The following SLC8A3 variants were observed in gnomAD, a reference collection of about 807,000 sequenced individuals.
The protein encoded by SLC8A3 is sodium/calcium exchanger 3.
In SLC8A3, 37 loss-of-function variants were observed where a neutral mutation model predicts 65.4. The ratio of observed to expected loss-of-function variants is 0.57; its 90% CI spans 0.44 to 0.74. The LOEUF (loss-of-function observed/expected upper bound fraction) is 0.74. SLC8A3 is among the 30% of genes least tolerant of loss of function. SLC8A3 has a pLI of 0.00. For synonymous variants in SLC8A3, 461 were observed against 444.5 expected, an observed-to-expected ratio of 1.04 and a Z score of -0.47; for missense variants, 1,112 against 1,172.1, an observed-to-expected ratio of 0.95 and a Z score of 0.75.
chr14:70,057,898 G>C (rs1888346664), intron 3 of SLC8A3, among the ~76,000 whole-genome samples: 1 of 152,168 alleles, frequency 6.6e-6, no homozygotes, highest in East Asian at 1.9e-4. Flanking sequence ...GAGAGAGAGA[G>C]AGAGACAGAG....
chr14:70,176,302 C>T (rs1897906916), intron 1 of SLC8A3, among the ~76,000 whole-genome samples: 1 of 152,166 alleles, frequency 6.6e-6, no homozygotes, highest in African/African-American at 2.4e-5. Context: ...TTTAAGTCAT[C>T]CTCCTGTTGG....
At chr14:70,054,550 C>G (rs748909473) in intron 3 of SLC8A3, among the ~76,000 whole-genome samples, 11 of 151,984 alleles carry the variant, frequency 7.2e-5, no homozygotes, top group African/African-American at 1.2e-4. Flanking sequence ...AACAAAGAAG[C>G]CTTACATACC....
intron 2 of SLC8A3, among the ~76,000 whole-genome samples, chr14:70,138,279 C>T (rs569782151): frequency 1.3e-5 from 2 of 152,262 alleles, no homozygotes; most frequent in African/African-American, 4.8e-5. Context: ...ATGTAAGCTC[C>T]GCTGGGCAGG....
At chr14:70,131,308 A>G (rs187733645) in intron 2 of SLC8A3, among the ~76,000 whole-genome samples, 18 of 152,312 alleles carry the variant, frequency 1.2e-4, no homozygotes, top group African/African-American at 4.1e-4. Context: ...GAAAGTGAAG[A>G]AACTGAAATG....
intron 2 of SLC8A3, among the ~76,000 whole-genome samples, chr14:70,066,536 C>T (rs541223460): frequency 2.0e-5 from 3 of 152,134 alleles, no homozygotes; most frequent in African/African-American, 2.4e-5. Context: ...ATTTGGCCAG[C>T]GCGGTGCCTC....
intron 2 of SLC8A3, among the ~76,000 whole-genome samples, chr14:70,147,738 A>C (rs952166043): frequency 7.2e-5 from 11 of 151,926 alleles, no homozygotes; most frequent in Non-Finnish European, 1.6e-4. Context: ...TGGAATCCAC[A>C]CCCCCACCCC....
chr14:70,060,855 C>A lies in SLC8A3; in HGVS notation c.1869G>T (p.Trp623Cys). The A allele has an allele frequency of 6.7e-7, 1 of 1,503,330 alleles. No individual in the cohort carries two copies. The highest frequency in any genetic ancestry group is 9.0e-7 in the Non-Finnish European group (1 of 1,108,712). 93.1% of individuals were successfully genotyped at this position (1,503,330 alleles called of 1,614,324 possible). Residue 623 changes from tryptophan to cysteine, a missense_variant, in exon 3 of 7, where the codon TGG (tryptophan) becomes TGT (cysteine). Transcript: ENST00000356921. ...NFFIALGEPK[W>C]MERGISDVTD... The stretch of plus-strand genomic sequence containing the variant: ...TCACACCTGATATTCCACGTTCCAT[C>A]CATTTCGGTTCACCAAGGGCAATGA...
chr14:70,096,353 T>C (rs1892178640), intron 2 of SLC8A3, among the ~76,000 whole-genome samples: 1 of 152,194 alleles, frequency 6.6e-6, no homozygotes, highest in South Asian at 2.1e-4. Context: ...AGCACCCAGG[T>C]AAGTTCTTGG....
intron 6 of SLC8A3, chr14:70,048,438 C>T (rs1358181360): frequency 1.7e-6 from 1 of 592,428 alleles, no homozygotes; most frequent in Non-Finnish European, 3.0e-6. Flanking sequence ...TGTAGCTTAA[C>T]CTCTGTGGGC....
At chr14:70,155,628 A>C (rs1418760265) in intron 2 of SLC8A3, among the ~76,000 whole-genome samples, 3 of 152,240 alleles carry the variant, frequency 2.0e-5, no homozygotes, top group African/African-American at 4.8e-5. Flanking sequence ...CTATGTTTTC[A>C]TACAAATATT....
At chr14:70,127,056 G>A (rs749339513) in intron 2 of SLC8A3, among the ~76,000 whole-genome samples, 1 of 152,068 alleles carries the variant, frequency 6.6e-6, no homozygotes, top group Non-Finnish European at 1.5e-5. Context: ...ACAATGTGAA[G>A]TAATAAAAAA....
Position 70,044,787 on chromosome 14 carries a change from T to C in SLC8A3, c.*1160A>G, listed in dbSNP as rs1179341891. ...TAAAATCTCTAAGTTTTTACACCAC[T>C]TCAAGAAATATAGTCAGCCCTCTTT... is the stretch of plus-strand genomic sequence containing the variant. On this transcript the variant is annotated 3_prime_UTR_variant, in exon 7 of 7. Transcript: ENST00000356921. The C allele has an allele frequency of 1.3e-5, 2 of 152,208 alleles. No individual in the cohort carries two copies. Among genetic ancestry groups the C allele is most frequent in the African/African-American group, 4.8e-5 (2 of 41,460 alleles). The allele number at this position is 152,208 out of a possible 1,614,324, so 9.4% of individuals were successfully genotyped here. A position where few individuals can be genotyped will look rare whatever the true frequency, so the allele number is the denominator to read the frequency against.
chr14:70,127,774 G>A (rs1037812272), intron 2 of SLC8A3, among the ~76,000 whole-genome samples: 24 of 152,288 alleles, frequency 1.6e-4, no homozygotes, highest in African/African-American at 5.1e-4. Context: ...GACACTCACT[G>A]ATGGTTTGTG....
At chr14:70,187,493 C>T (rs1180105830) in intron 1 of SLC8A3, among the ~76,000 whole-genome samples, 2 of 151,942 alleles carry the variant, frequency 1.3e-5, no homozygotes, top group African/African-American at 2.4e-5. Flanking sequence ...GCTTTTTTCC[C>T]CGGAGCAAAT....
chr14:70,058,656 G>T (rs1010531968), intron 3 of SLC8A3, among the ~76,000 whole-genome samples: 2 of 152,208 alleles, frequency 1.3e-5, no homozygotes, highest in Admixed American at 6.5e-5. Context: ...CATTTGGTTA[G>T]GTCTCTTGAA....
At chr14:70,123,074 A>C (rs1470925376) in intron 2 of SLC8A3, among the ~76,000 whole-genome samples, 1 of 39,232 alleles carries the variant, frequency 2.5e-5, no homozygotes, top group Non-Finnish European at 5.9e-5. Flanking sequence ...CTCCATCTCC[A>C]AAAAAAAAAA....
At chr14:70,054,037 G>T (rs1421019802) in intron 3 of SLC8A3, among the ~76,000 whole-genome samples, 1 of 152,176 alleles carries the variant, frequency 6.6e-6, no homozygotes, top group Non-Finnish European at 1.5e-5. Flanking sequence ...AGAATAAATG[G>T]CAGGTGATCT....
chr14:70,076,930 C>T (rs558922036), intron 2 of SLC8A3, among the ~76,000 whole-genome samples: 1 of 152,148 alleles, frequency 6.6e-6, no homozygotes, highest in African/African-American at 2.4e-5. Flanking sequence ...GGGCTTTTGA[C>T]AAATTACCGA....
intron 1 of SLC8A3, among the ~76,000 whole-genome samples, chr14:70,181,217 A>G (rs1882721100): frequency 6.6e-6 from 1 of 152,190 alleles, no homozygotes; most frequent in South Asian, 2.1e-4. Context: ...TTTATCACCA[A>G]TTCATTGCCT....
Sources: gnomAD v4.1 joint callset for allele counts (sites outside exome capture counted in the v4.1 genomes callset) on GRCh38, gnomAD v4.1.1 for gene constraint, MANE v1.5 for transcripts, NCBI Gene and HGNC (gene_info 2026-07-23, HGNC 2026-07-21) for gene names.